The following MACROD2 variants were observed in gnomAD, a reference collection of about 807,000 sequenced individuals.
The protein encoded by MACROD2 is mono-ADP ribosylhydrolase 2.
In MACROD2, 36 loss-of-function variants were observed where a neutral mutation model predicts 70.4. The ratio of observed to expected loss-of-function variants is 0.51; its 90% confidence interval spans 0.39 to 0.68. The LOEUF is 0.68. Ranked by LOEUF, MACROD2 falls within the 30% of genes least tolerant of loss-of-function variation. The probability of loss-of-function intolerance (pLI) is 0.00; values close to 1 mark genes in which losing one functional copy is unlikely to be tolerated. For synonymous variants in MACROD2, 172 were observed against 178.8 expected, an observed-to-expected ratio of 0.96 and a Z score of 0.30; for missense variants, 496 against 538.4, an observed-to-expected ratio of 0.92 and a Z score of 0.78.
At chr20:15,469,951 A>C (rs1010254632) in intron 7 of MACROD2, among the ~76,000 whole-genome samples, 2 of 152,218 alleles carry the variant, frequency 1.3e-5, no homozygotes, top group Non-Finnish European at 2.9e-5. Context: ...TCACCAAAAA[A>C]TTAGTTGAAA....
At chr20:14,847,083 A>T (rs573665757) in intron 5 of MACROD2, among the ~76,000 whole-genome samples, 21 of 98,994 alleles carry the variant, frequency 2.1e-4, no homozygotes, top group African/African-American at 6.2e-4. Flanking sequence ...TTTCATCTTT[A>T]GACAAAAGAA....
intron 8 of MACROD2, among the ~76,000 whole-genome samples, chr20:15,761,759 T>C (rs1055842151): frequency 5.9e-5 from 9 of 152,242 alleles, no homozygotes; most frequent in Non-Finnish European, 1.2e-4. Flanking sequence ...GCTCAATCAC[T>C]AAGCCTTGCA....
intron 8 of MACROD2, among the ~76,000 whole-genome samples, chr20:15,843,093 C>T (rs2064191831): frequency 1.3e-5 from 2 of 152,168 alleles, no homozygotes; most frequent in Non-Finnish European, 2.9e-5. Context: ...CCACACTCAC[C>T]TCCACTCTGG....
intron 4 of MACROD2, among the ~76,000 whole-genome samples, chr20:14,503,870 T>C (rs1175655839): frequency 2.0e-5 from 3 of 152,208 alleles, no homozygotes; most frequent in African/African-American, 4.8e-5. Context: ...TCTAGCATGA[T>C]TGGAAAAAGC....
At chr20:15,593,171 G>GT (rs1284715422) in intron 8 of MACROD2, among the ~76,000 whole-genome samples, 1 of 152,076 alleles carries the variant, frequency 6.6e-6, no homozygotes, top group Admixed American at 6.6e-5. Flanking sequence ...TTATCAAGTT[G>GT]TTTTTTGGAA....
chr20:15,975,258 G>C (rs1015333932), intron 13 of MACROD2, among the ~76,000 whole-genome samples: 1 of 151,964 alleles, frequency 6.6e-6, no homozygotes, highest in Admixed American at 6.6e-5. Context: ...GTGGAAATAG[G>C]GTTTCCAAAC....
intron 8 of MACROD2, among the ~76,000 whole-genome samples, chr20:15,576,988 GAAAC>G (rs1200158777): frequency 6.6e-6 from 1 of 152,054 alleles, no homozygotes. Context: ...CATCTGAAGG[GAAAC>G]ACTTCATACA....
At chr20:14,228,576 G>T (rs1401636740) in intron 3 of MACROD2, among the ~76,000 whole-genome samples, 1 of 151,982 alleles carries the variant, frequency 6.6e-6, no homozygotes, top group African/African-American at 2.4e-5. Context: ...TATCAATGAA[G>T]AATTGCTTAC....
chr20:15,923,246 G>A (rs2065438345), intron 10 of MACROD2, among the ~76,000 whole-genome samples: 1 of 152,194 alleles, frequency 6.6e-6, no homozygotes, highest in Admixed American at 6.5e-5. Context: ...TCACATGGCT[G>A]GGGAGGCCTC....
intron 4 of MACROD2, among the ~76,000 whole-genome samples, chr20:14,607,434 A>G (rs971181299): frequency 2.3e-4 from 35 of 152,316 alleles, no homozygotes; most frequent in African/African-American, 7.5e-4. Flanking sequence ...GAACAGTGTT[A>G]TAAGGAGAAG....
At chr20:14,346,973 TGACATAGATATATA>T (rs1395404838) in intron 3 of MACROD2, among the ~76,000 whole-genome samples, 1 of 152,194 alleles carries the variant, frequency 6.6e-6, no homozygotes, top group African/African-American at 2.4e-5. Flanking sequence ...AACCATCTCA[TGACATAGATATATA>T]GGTTCTTGAG....
At chr20:15,363,001 A>G (rs931929006) in intron 6 of MACROD2, among the ~76,000 whole-genome samples, 1 of 113,376 alleles carries the variant, frequency 8.8e-6, no homozygotes, top group African/African-American at 3.9e-5. Flanking sequence ...GGAAGAAAGG[A>G]AAGAAGGAAG....
chr20:14,080,922 C>T (rs1159173301), intron 2 of MACROD2, among the ~76,000 whole-genome samples: 1 of 152,174 alleles, frequency 6.6e-6, no homozygotes, highest in African/African-American at 2.4e-5. Context: ...ATCACCACAC[C>T]TTTTCATGTA....
At chr20:15,509,164 G>T (rs2047466605) in intron 8 of MACROD2, among the ~76,000 whole-genome samples, 1 of 152,188 alleles carries the variant, frequency 6.6e-6, no homozygotes, top group Non-Finnish European at 1.5e-5. Context: ...AAAATTTTGA[G>T]AGTCACTGTC....
rs555468276 is a variant in MACROD2 at position 14,709,208 on chromosome 20, T to A, written c.418+24249T>A. Among the ~76,000 whole-genome samples the A allele has an allele frequency of 1.8e-3, 269 of 150,512 alleles. 2 individuals carry two copies. Among genetic ancestry groups the A allele is most frequent in the Non-Finnish European group, 7.2e-4 (49 of 67,604 alleles). ...CTTATACATTTCTTTAGGTTTTTTA[T>A]ATAACACTAAAATACTTACTTTTTT... On this transcript the variant is annotated intron_variant, in intron 5 of 17. Transcript: ENST00000684519.
intron 4 of MACROD2, among the ~76,000 whole-genome samples, chr20:14,528,689 G>A (rs780859739): frequency 2.2e-4 from 34 of 151,944 alleles, no homozygotes; most frequent in Non-Finnish European, 4.4e-4. Flanking sequence ...AACATTTCTC[G>A]ATCTCATTTG....
intron 5 of MACROD2, among the ~76,000 whole-genome samples, chr20:15,099,528 G>A (rs899135024): frequency 6.6e-6 from 1 of 152,172 alleles, no homozygotes. Flanking sequence ...TCAGCCTCCA[G>A]GACTGTGAGA....
chr20:14,427,747 T>A (rs1235889775), intron 3 of MACROD2, among the ~76,000 whole-genome samples: 1 of 152,100 alleles, frequency 6.6e-6, no homozygotes, highest in East Asian at 1.9e-4. Context: ...AGCTGGTGTT[T>A]CTTTTATTTG....
At chr20:15,147,662 C>G (rs970179628) in intron 5 of MACROD2, among the ~76,000 whole-genome samples, 5 of 152,144 alleles carry the variant, frequency 3.3e-5, no homozygotes, top group Admixed American at 3.3e-4. Flanking sequence ...ATCATTGCCT[C>G]TGTCTGAGTT....
Sources: gnomAD v4.1 joint callset for allele counts (sites outside exome capture counted in the v4.1 genomes callset) on GRCh38, gnomAD v4.1.1 for gene constraint, MANE v1.5 for transcripts, NCBI Gene and HGNC (gene_info 2026-07-23, HGNC 2026-07-21) for gene names.